FOXP1: variants seen among roughly 807,000 people sequenced by gnomAD.
FOXP1 encodes the protein forkhead box protein P1.
A neutral mutation model predicts 98.2 loss-of-function variants in FOXP1; 15 were observed. The observed-to-expected ratio is 0.15, with a 90% CI of 0.10 to 0.24. The LOEUF (loss-of-function observed/expected upper bound fraction) is 0.24, where lower values mean the gene tolerates loss of function less well. Ranked by LOEUF, FOXP1 falls within the 10% of genes least tolerant of loss-of-function variation. The probability of loss-of-function intolerance (pLI) is 1.00; values close to 1 mark genes in which losing one functional copy is unlikely to be tolerated. For synonymous variants in FOXP1, 371 were observed against 314.5 expected, an observed-to-expected ratio of 1.18 and a Z score of -1.90; for missense variants, 633 against 848.5, an observed-to-expected ratio of 0.75 and a Z score of 3.15.
chr3:71,576,616 G>A (rs937825880), intron 2 of FOXP1, among the ~76,000 whole-genome samples: 1 of 152,176 alleles, frequency 6.6e-6, no homozygotes, highest in Admixed American at 6.5e-5. Context: ...TACTCAGACT[G>A]AAGGAACTAA....
intron 3 of FOXP1, among the ~76,000 whole-genome samples, chr3:71,458,468 A>G (rs2087708927): frequency 6.6e-6 from 1 of 152,216 alleles, no homozygotes; most frequent in Admixed American, 6.5e-5. Flanking sequence ...AACAAGCATC[A>G]GATCAAACGA....
Position 71,253,724 on chromosome 3 carries a change from T to C in FOXP1, c.-12+46096A>G, listed in dbSNP as rs556468716. 1.6e-4 allele frequency among the ~76,000 whole-genome samples: 24 copies of C among 152,278 alleles called. No homozygotes were observed. In the East Asian group the frequency reaches 4.6e-3, roughly 29 times the overall value. The stretch of plus-strand genomic sequence containing the variant: ...ACTAAAATGGTACTGGACTTGGTGT[T>C]ATGGTAGATACAAAGACAAAGAAAG... On this transcript the variant is annotated intron_variant, in intron 5 of 20. Coordinates refer to ENST00000649528, the MANE Select transcript of FOXP1 (RefSeq NM_001349338.3).
At chr3:71,243,481 C>T (rs751726683) in intron 5 of FOXP1, among the ~76,000 whole-genome samples, 2 of 152,064 alleles carry the variant, frequency 1.3e-5, no homozygotes, top group African/African-American at 2.4e-5. Flanking sequence ...GGCATGAACC[C>T]GAGATTGCAT....
intron 11 of FOXP1, among the ~76,000 whole-genome samples, chr3:71,035,218 G>A (rs2047422849): frequency 6.6e-6 from 1 of 152,074 alleles, no homozygotes; most frequent in South Asian, 2.1e-4. Context: ...GGTATGTAGG[G>A]CAAATGCAAA....
chr3:71,395,100 CAAAAAAA>C (rs10543398), intron 3 of FOXP1, among the ~76,000 whole-genome samples: 5 of 63,796 alleles, frequency 7.8e-5, no homozygotes, highest in East Asian at 1.1e-3. Flanking sequence ...AACCCCGTCA[CAAAAAAA>C]AAAAAAAAAA....
chr3:70,978,509 A>T (rs2038086386), intron 14 of FOXP1, among the ~76,000 whole-genome samples: 1 of 152,168 alleles, frequency 6.6e-6, no homozygotes, highest in Non-Finnish European at 1.5e-5. Context: ...GCACAACCAA[A>T]GAGCTGTTTT....
At chr3:71,442,691 C>T (rs2086055623) in intron 3 of FOXP1, among the ~76,000 whole-genome samples, 1 of 152,062 alleles carries the variant, frequency 6.6e-6, no homozygotes, top group Admixed American at 6.6e-5. Context: ...ACAACAATCA[C>T]AGTCACTCCC....
chr3:71,204,699 CCCAAGATGTAGAGTTACTGT>C (rs1312354312), intron 5 of FOXP1, among the ~76,000 whole-genome samples: 1 of 151,930 alleles, frequency 6.6e-6, no homozygotes, highest in East Asian at 1.9e-4. Context: ...AGATGGCAGC[CCCAAGATGTAGAGTTACTGT>C]CTACAAATGG....
At chr3:71,582,123 GGCATGCGACTTTGTTTCCGGGAGCGGA>G in intron 1 of FOXP1, 1 of 960,994 alleles carries the variant, frequency 1.0e-6, no homozygotes, top group Non-Finnish European at 1.2e-6. Context: ...ATGGGAGGGG[GGCATGCGACTTTGTTTCCGGGAGCGGA>G]GCTCCCCAGA....
chr3:71,425,373 G>T (rs1002892012), intron 3 of FOXP1, among the ~76,000 whole-genome samples: 1 of 152,102 alleles, frequency 6.6e-6, no homozygotes, highest in Non-Finnish European at 1.5e-5. Context: ...TGATCCACCC[G>T]CCTTGGCCTC....
intron 3 of FOXP1, among the ~76,000 whole-genome samples, chr3:71,456,035 TCCAAAAAATCACAG>T (rs1165931127): frequency 6.6e-6 from 1 of 152,138 alleles, no homozygotes; most frequent in Non-Finnish European, 1.5e-5. Context: ...ACAAAGGGTT[TCCAAAAAATCACAG>T]CCAAAAAGTC....
At chr3:70,992,671 C>T (rs1395083167) in intron 13 of FOXP1, among the ~76,000 whole-genome samples, 3 of 152,294 alleles carry the variant, frequency 2.0e-5, no homozygotes, top group Admixed American at 6.5e-5. Flanking sequence ...ACCATCTTAA[C>T]GTTCCTTACA....
intron 19 of FOXP1, chr3:70,966,368 G>C (rs893293548): frequency 2.6e-6 from 1 of 381,962 alleles, no homozygotes; most frequent in African/African-American, 2.1e-5. Context: ...TGTCGGATGC[G>C]TTTTTAAGAG....
chr3:71,282,831 A>G (rs934626960), intron 5 of FOXP1, among the ~76,000 whole-genome samples: 2 of 152,112 alleles, frequency 1.3e-5, no homozygotes, highest in African/African-American at 4.8e-5. Flanking sequence ...ATGCCCAAAA[A>G]CTGGCATCCA....
At chr3:71,516,617 G>A (rs951591749) in intron 2 of FOXP1, among the ~76,000 whole-genome samples, 5 of 152,128 alleles carry the variant, frequency 3.3e-5, no homozygotes, top group Admixed American at 2.0e-4. Context: ...AGGCCAAGGC[G>A]GGTGGATCTC....
At chr3:71,230,435 T>C (rs2066193617) in intron 5 of FOXP1, among the ~76,000 whole-genome samples, 1 of 152,136 alleles carries the variant, frequency 6.6e-6, no homozygotes, top group Non-Finnish European at 1.5e-5. Context: ...CCATGAATGA[T>C]TAAAGTCTTT....
chr3:71,188,384 A>G (rs1226726452), intron 6 of FOXP1, among the ~76,000 whole-genome samples: 1 of 151,788 alleles, frequency 6.6e-6, no homozygotes, highest in African/African-American at 2.4e-5. Flanking sequence ...GGATCAGTGG[A>G]TGCTTTGCCT....
chr3:71,142,217 T>C (rs930301060), intron 6 of FOXP1, among the ~76,000 whole-genome samples: 3 of 152,218 alleles, frequency 2.0e-5, no homozygotes, highest in African/African-American at 7.2e-5. Context: ...GAGGTGGCCC[T>C]TGGTCCTGTC....
chr3:71,397,116 G>GTA (rs1560426034), intron 3 of FOXP1, among the ~76,000 whole-genome samples: 14 of 102,294 alleles, frequency 1.4e-4, no homozygotes, highest in Non-Finnish European at 2.5e-4. Context: ...ATATATATGT[G>GTA]TATATATACA....
Sources: gnomAD v4.1 joint callset for allele counts (sites outside exome capture counted in the v4.1 genomes callset) on GRCh38, gnomAD v4.1.1 for gene constraint, MANE v1.5 for transcripts, NCBI Gene and HGNC (gene_info 2026-07-23, HGNC 2026-07-21) for gene names.